Variants in CYLD observed in about 807,000 individuals in gnomAD.
CYLD encodes the protein CYLD lysine 63 deubiquitinase, also known as ubiquitin carboxyl-terminal hydrolase CYLD.
CYLD carries 26 observed loss-of-function variants against 104.5 expected under a neutral mutation model. The ratio of observed to expected loss-of-function variants is 0.25; its 90% CI spans 0.18 to 0.35. CYLD has a LOEUF of 0.35. Among genes scored for constraint, CYLD ranks in the 10% least tolerant of loss-of-function variants. CYLD has a pLI of 1.00. For synonymous variants in CYLD, 385 were observed against 399.9 expected (o/e 0.96, Z 0.45); for missense variants, 703 against 1,136.1 (o/e 0.62, Z 5.48).
At position 50,791,551 on chromosome 16, in the gene CYLD, T is replaced by G; in HGVS notation, c.2109-7T>G. 2 of 1,613,554 alleles carry G rather than the reference T, an allele frequency of 1.2e-6. No individual in the cohort carries two copies. The highest frequency in any genetic ancestry group is 8.5e-7 in the Non-Finnish European group (1 of 1,179,612). The stretch of plus-strand genomic sequence containing the variant: ...TTGTATGTATTTTTTTCTCTGCGTG[T>G]TTTTAGATCAGCAGGTCAAAAGGTA... On this transcript the variant is annotated splice_region_variant and splice_polypyrimidine_tract_variant and intron_variant, in intron 14 of 18. Transcript: ENST00000427738.
chr16:50,760,308 T>C (rs920180180), intron 5 of CYLD, among the ~76,000 whole-genome samples: 1 of 152,216 alleles, frequency 6.6e-6, no homozygotes, highest in Non-Finnish European at 1.5e-5. Context: ...TAGAAACCTC[T>C]ATCAAGTTAT....
At chr16:50,776,650 T>C (rs1969713056) in intron 7 of CYLD, among the ~76,000 whole-genome samples, 1 of 152,238 alleles carries the variant, frequency 6.6e-6, no homozygotes, top group African/African-American at 2.4e-5. Flanking sequence ...TGGATTTTGC[T>C]AACTAGATTT....
intron 5 of CYLD, among the ~76,000 whole-genome samples, chr16:50,762,050 G>A (rs1256669575): frequency 1.3e-5 from 2 of 152,100 alleles, no homozygotes; most frequent in Admixed American, 6.6e-5. Context: ...TGGGGTACAA[G>A]TGTAATTGTG....
intron 5 of CYLD, among the ~76,000 whole-genome samples, chr16:50,774,180 G>A (rs1969428452): frequency 6.6e-6 from 1 of 152,182 alleles, no homozygotes. Flanking sequence ...AGTTAATAGT[G>A]GGAGTTGTTT....
At chr16:50,759,470 T>C (rs1967662658) in intron 5 of CYLD, among the ~76,000 whole-genome samples, 1 of 152,228 alleles carries the variant, frequency 6.6e-6, no homozygotes, top group African/African-American at 2.4e-5. Context: ...CTTTTTATAA[T>C]TTAATTATAT....
intron 13 of CYLD, 21 bp from the exon 14 acceptor site, chr16:50,787,765 G>T: frequency 2.1e-6 from 3 of 1,428,108 alleles, no homozygotes; most frequent in South Asian, 2.4e-5. Context: ...TGACTTATTT[G>T]ATTTTTAAAT....
intron 14 of CYLD, among the ~76,000 whole-genome samples, chr16:50,790,151 A>G (rs575190308): frequency 2.0e-5 from 3 of 152,370 alleles, no homozygotes; most frequent in Admixed American, 1.3e-4. Flanking sequence ...AATTCTAAGA[A>G]TAAAAATATT....
Position 50,750,010 on chromosome 16 carries a change from C to A in CYLD, c.312C>A (p.Thr104=). ...TCACAGAGTTACTTTTGGCAATTAC[C>A]AATTGTGAGGAGAGGTTCAGCCTGT... ...EKFTELLLAI[T]NCEERFSLFK... Residue 104 remains threonine (T), a synonymous_variant, in exon 3 of 19, where the codon ACC becomes ACA. Coordinates refer to ENST00000427738, the MANE Select transcript of CYLD (RefSeq NM_001378743.1). 2 of 1,614,010 alleles carry A rather than the reference C, an allele frequency of 1.2e-6. No individual in the cohort carries two copies. Among genetic ancestry groups the A allele is most frequent in the South Asian group, 1.1e-5 (1 of 91,076 alleles).
Position 50,800,070 on chromosome 16 carries a change from C to G in CYLD, c.*3562C>G. The G allele has an allele frequency of 4.3e-6, 1 of 233,124 alleles. No homozygotes were observed. The highest frequency in any genetic ancestry group is 8.5e-6 in the Non-Finnish European group (1 of 118,024). The allele number at this position is 233,124 out of a possible 1,614,324, so 14.4% of individuals were successfully genotyped here. On this transcript the variant is annotated 3_prime_UTR_variant, in exon 19 of 19. Transcript: ENST00000427738. ...GACAGAAAAAGTGGCAGAGTAGGGA[C>G]GAGAGACCTGCATTCTAGCCCTGTT...
At position 50,796,701 on chromosome 16, in the gene CYLD, C is replaced by A; in HGVS notation, c.*193C>A. 1 of 617,234 alleles carries A rather than the reference C, an allele frequency of 1.6e-6. No homozygotes were observed. The highest frequency in any genetic ancestry group is 2.5e-5 in the Admixed American group (1 of 39,490). 38.2% of individuals were successfully genotyped at this position (617,234 alleles called of 1,614,324 possible). On this transcript the variant is annotated 3_prime_UTR_variant, in exon 19 of 19. Transcript: ENST00000427738. ...GAAGTATTTAATAAGAAGCATTTTG[C>A]ACTCTAGAAAGTATGTTTGTGTTGG...
At chr16:50,747,366 G>T (rs1966277331) in intron 2 of CYLD, among the ~76,000 whole-genome samples, 1 of 152,216 alleles carries the variant, frequency 6.6e-6, no homozygotes, top group African/African-American at 2.4e-5. Flanking sequence ...GAAAATGGCT[G>T]ATTGCAAGGG....
chr16:50,767,373 A>G (rs566347258), intron 5 of CYLD, among the ~76,000 whole-genome samples: 3 of 152,170 alleles, frequency 2.0e-5, no homozygotes, highest in Non-Finnish European at 4.4e-5. Flanking sequence ...CACTTGTGTG[A>G]CTTGCTTTAT....
intron 18 of CYLD, 62 bp from the exon 19 acceptor site, chr16:50,796,262 A>G (rs1261923016): frequency 2.0e-6 from 3 of 1,530,184 alleles, no homozygotes; most frequent in Non-Finnish European, 2.7e-6. Context: ...GGATTATAAA[A>G]TCACTGGCAA....
At position 50,784,627 on chromosome 16, in the gene CYLD, A is replaced by T. The variant is rs1970621288; in HGVS notation, c.1949+176A>T. On this transcript the variant is annotated intron_variant, in intron 12 of 18. Coordinates refer to ENST00000427738, the MANE Select transcript of CYLD (RefSeq NM_001378743.1). ...GTCCTTGTACTTTTTTGCTTATTTA[A>T]TTTCTTAAATGTGGCCAAGGTGTAG... 7.8e-6 allele frequency: 5 copies of T among 641,338 alleles called. No homozygotes were observed. In the Admixed American group the frequency reaches 1.4e-4, roughly 18 times the overall value. The allele number at this position is 641,338 out of a possible 1,614,324, so 39.7% of individuals were successfully genotyped here.
Position 50,781,385 on chromosome 16 carries a change from A to G in CYLD, c.1658A>G (p.Asn553Ser). 1 of 1,613,718 alleles carries G rather than the reference A, an allele frequency of 6.2e-7. No individual in the cohort carries two copies. Among genetic ancestry groups the G allele is most frequent in the Non-Finnish European group, 8.5e-7 (1 of 1,179,874 alleles). The change falls in exon 10 of 19, where the codon AAT (asparagine) becomes AGT (serine). Residue 553 changes from asparagine (N) to serine (S), a missense_variant. By Grantham distance (46) the Asn-to-Ser change is conservative. This residue lies in a region of CYLD where 125 missense variants were observed against 325.4 expected (regional missense o/e 0.38). Transcript: ENST00000427738. ...TTTGCATCATTGCAGCCGGTTTCCA[A>G]TCAGATTGAGCGCTGTAACTCTTTA... The part of the protein sequence containing the change: ...SRFASLQPVS[N>S]QIERCNSLAF...
intron 5 of CYLD, among the ~76,000 whole-genome samples, chr16:50,771,900 T>C (rs947985921): frequency 6.6e-6 from 1 of 152,222 alleles, no homozygotes; most frequent in African/African-American, 2.4e-5. Context: ...TTCTCCATTC[T>C]GTTCCATTGA....
chr16:50,784,145 G>A (rs1970576121), intron 11 of CYLD, 184 bp from the exon 12 acceptor site: 2 of 588,394 alleles, frequency 3.4e-6, no homozygotes, highest in South Asian at 1.8e-5. Context: ...GGATCTGTAG[G>A]TCCTGATGAT....
rs1012244712 is a variant in CYLD at position 50,800,275 on chromosome 16, G to C, written c.*3767G>C. 3 of 233,248 alleles carry C rather than the reference G, an allele frequency of 1.3e-5. No homozygotes were observed. Among genetic ancestry groups the C allele is most frequent in the African/African-American group, 4.4e-5 (2 of 45,350 alleles). The allele number at this position is 233,248 out of a possible 1,614,324, so 14.4% of individuals were successfully genotyped here. ...GAAGAGGCCTAGGAAATCTGTGAGGGAATCCCCAGGGGAATCTCGTGACCA... is the reference window on the plus strand; with the variant it reads ...GAAGAGGCCTAGGAAATCTGTGAGGCAATCCCCAGGGGAATCTCGTGACCA... On this transcript the variant is annotated 3_prime_UTR_variant, in exon 19 of 19. Coordinates refer to ENST00000427738, the MANE Select transcript of CYLD (RefSeq NM_001378743.1).
At chr16:50,779,218 A>G (rs1016596332) in intron 8 of CYLD, among the ~76,000 whole-genome samples, 1 of 152,140 alleles carries the variant, frequency 6.6e-6, no homozygotes, top group Non-Finnish European at 1.5e-5. Flanking sequence ...AAATTCCCTT[A>G]TAAGTATTAA....
Sources: allele counts gnomAD v4.1 joint callset (sites outside exome capture counted in the v4.1 genomes callset), GRCh38; gene constraint gnomAD v4.1.1; regional missense constraint gnomAD v4.1.1; transcripts MANE v1.5; gene names NCBI Gene and HGNC (gene_info 2026-07-23, HGNC 2026-07-21).